The following RHOU variants were observed in gnomAD, a reference collection of about 807,000 sequenced individuals.
RHOU encodes rho-related GTP-binding protein RhoU.
A neutral mutation model predicts 12.6 loss-of-function variants in RHOU; 8 were observed. The ratio of observed to expected loss-of-function variants is 0.64; its 90% confidence interval spans 0.37 to 1.15. The LOEUF (loss-of-function observed/expected upper bound fraction) is 1.15. RHOU is among the 50% of genes most tolerant of loss of function. The pLI is 0.01. For missense variants in RHOU, 258 were observed against 347.0 expected, an observed-to-expected ratio of 0.74 and a Z score of 2.04; for synonymous variants, 161 against 147.4, an observed-to-expected ratio of 1.09 and a Z score of -0.67.
In RHOU at chr1:228,737,684, G is replaced by A. The variant is rs372740046; in HGVS notation, c.274G>A (p.Val92Met). 2.1e-4 allele frequency: 340 copies of A among 1,614,074 alleles called. No individual in the cohort carries two copies. The highest frequency in any genetic ancestry group is 2.8e-4 in the Non-Finnish European group (329 of 1,180,042). Residue 92 changes from valine to methionine, a missense_variant, in exon 2 of 3, where the codon GTG becomes ATG. Coordinates refer to ENST00000366691, the MANE Select transcript of RHOU (RefSeq NM_021205.6). The surrounding 1 kb of genome is among the most constrained non-coding windows in gnomAD (Gnocchi z 4.1). ...GTTTTGTTTTTAAGCGGTGGTGTCT[G>A]TGGATGGGCGGCCCGTGAGACTCCA... is the stretch of plus-strand genomic sequence containing the variant. ...AFDNFSAVVS[V>M]DGRPVRLQLC...
the RHOU span, among the ~76,000 whole-genome samples, chr1:228,704,728 G>A: frequency 6.6e-6 from 1 of 151,916 alleles, no homozygotes; most frequent in Admixed American, 6.6e-5. Flanking sequence ...AGAGTGCTAG[G>A]ATAACAGGGG....
chr1:228,678,386 GAGA>G, the RHOU span, among the ~76,000 whole-genome samples: 1 of 152,174 alleles, frequency 6.6e-6, no homozygotes, highest in Non-Finnish European at 1.5e-5. Flanking sequence ...AGTGACCAAT[GAGA>G]AGGAGAAAAA....
the RHOU span, among the ~76,000 whole-genome samples, chr1:228,717,280 T>C: frequency 6.6e-6 from 1 of 152,216 alleles, no homozygotes; most frequent in South Asian, 2.1e-4. Context: ...TGTAATAACA[T>C]CATGCATCAA....
chr1:228,676,976 G>T, the RHOU span, among the ~76,000 whole-genome samples: 6 of 152,168 alleles, frequency 3.9e-5, no homozygotes, highest in Non-Finnish European at 7.3e-5. Flanking sequence ...CTTAGCCTGG[G>T]CTCAGAGGCC....
At chr1:228,681,088 G>T in the RHOU span, among the ~76,000 whole-genome samples, 1 of 152,190 alleles carries the variant, frequency 6.6e-6, no homozygotes, top group Non-Finnish European at 1.5e-5. Flanking sequence ...GACAGAGTTA[G>T]ATATTGGAAT....
the RHOU span, among the ~76,000 whole-genome samples, chr1:228,719,836 A>G: frequency 2.0e-5 from 3 of 152,214 alleles, no homozygotes; most frequent in African/African-American, 7.2e-5. Context: ...TAAATAATTT[A>G]TCTTTTCTTA....
chr1:228,649,133 A>T, the RHOU span, among the ~76,000 whole-genome samples: 3 of 152,196 alleles, frequency 2.0e-5, no homozygotes, highest in Non-Finnish European at 4.4e-5. Context: ...TTAAAATACT[A>T]GGTTTACAGG....
chr1:228,729,774 A>G, the RHOU span, among the ~76,000 whole-genome samples: 1 of 152,222 alleles, frequency 6.6e-6, no homozygotes. Flanking sequence ...AATTTTTACA[A>G]TCAAAATTAA....
At chr1:228,691,157 A>G in the RHOU span, among the ~76,000 whole-genome samples, 1 of 152,094 alleles carries the variant, frequency 6.6e-6, no homozygotes, top group Admixed American at 6.6e-5. Context: ...CAGAAAATGC[A>G]GAGAGTTCCC....
the RHOU span, among the ~76,000 whole-genome samples, chr1:228,657,136 G>C: frequency 7.2e-5 from 11 of 151,768 alleles, no homozygotes; most frequent in Non-Finnish European, 1.3e-4. Context: ...AATTAGCTGG[G>C]CGTGGTGGTA....
At chr1:228,665,730 T>C in the RHOU span, among the ~76,000 whole-genome samples, 1 of 152,136 alleles carries the variant, frequency 6.6e-6, no homozygotes, top group Non-Finnish European at 1.5e-5. Context: ...CCCCTGTCTT[T>C]TTGTTCTGTT....
the RHOU span, among the ~76,000 whole-genome samples, chr1:228,700,693 A>G: frequency 6.6e-6 from 1 of 152,236 alleles, no homozygotes; most frequent in Non-Finnish European, 1.5e-5. Flanking sequence ...GGACTATTAT[A>G]CAATTTTCAA....
At chr1:228,664,282 G>T in the RHOU span, among the ~76,000 whole-genome samples, 3 of 151,836 alleles carry the variant, frequency 2.0e-5, no homozygotes, top group African/African-American at 7.3e-5. Flanking sequence ...AAAGTGTTGG[G>T]ATTACAGGTG....
chr1:228,707,263 T>TA, the RHOU span, among the ~76,000 whole-genome samples: 14 of 96,860 alleles, frequency 1.4e-4, no homozygotes, highest in African/African-American at 7.2e-4. Context: ...ATAGTGTGTG[T>TA]GTGTGTGTGT....
chr1:228,697,857 AT>A, the RHOU span, among the ~76,000 whole-genome samples: 2 of 152,272 alleles, frequency 1.3e-5, no homozygotes, highest in African/African-American at 4.8e-5. Context: ...GTACCACAAG[AT>A]TTTTGGGGTG....
chr1:228,742,705 G>A (rs1271859510), intron 2 of RHOU, among the ~76,000 whole-genome samples: 3 of 152,220 alleles, frequency 2.0e-5, no homozygotes, highest in Non-Finnish European at 4.4e-5. Flanking sequence ...CCTTGAGTCT[G>A]ATTAGCATTA....
At chr1:228,650,307 C>CTGGA in the RHOU span, 1 of 464,262 alleles carries the variant, frequency 2.2e-6, no homozygotes, top group East Asian at 6.6e-5. Context: ...CAGCGGCGGG[C>CTGGA]TGGATGGTGC....
the RHOU span, among the ~76,000 whole-genome samples, chr1:228,729,408 T>C: frequency 6.6e-6 from 1 of 152,208 alleles, no homozygotes; most frequent in South Asian, 2.1e-4. Context: ...TGAGCTCTTA[T>C]AAAATTGCCA....
At chr1:228,701,023 A>G in the RHOU span, among the ~76,000 whole-genome samples, 1 of 152,124 alleles carries the variant, frequency 6.6e-6, no homozygotes, top group East Asian at 1.9e-4. Context: ...TGGGAAGTTG[A>G]GGCTGCAGTG....
Sources: gnomAD v4.1 joint callset for allele counts (sites outside exome capture counted in the v4.1 genomes callset) on GRCh38, gnomAD v4.1.1 for gene constraint, Gnocchi (gnomAD v3.1) non-coding constraint, MANE v1.5 for transcripts, NCBI Gene and HGNC (gene_info 2026-07-23, HGNC 2026-07-21) for gene names.